The following ATF7IP2 variants were observed in gnomAD, a reference collection of about 807,000 sequenced individuals.
The protein encoded by ATF7IP2 is activating transcription factor 7-interacting protein 2.
A neutral mutation model predicts 64.2 loss-of-function variants in ATF7IP2; 42 were observed. That is an observed-to-expected ratio of 0.65 (90% CI 0.51 to 0.85). The LOEUF is 0.85. ATF7IP2 is among the 40% of genes least tolerant of loss of function. The pLI, the probability that ATF7IP2 is intolerant of heterozygous loss-of-function variation, is 0.00. For missense variants in ATF7IP2, 933 were observed against 784.2 expected, an observed-to-expected ratio of 1.19 and a Z score of -2.27; for synonymous variants, 308 against 272.8, an observed-to-expected ratio of 1.13 and a Z score of -1.27.
intron 12 of ATF7IP2, among the ~76,000 whole-genome samples, chr16:10,475,586 G>A (rs564938525): frequency 5.3e-5 from 8 of 151,278 alleles, no homozygotes; most frequent in African/African-American, 1.2e-4. Context: ...CCAGCTACTC[G>A]GGAGGCTGAG....
intron 12 of ATF7IP2, among the ~76,000 whole-genome samples, chr16:10,478,574 C>T (rs2050095222): frequency 6.6e-6 from 1 of 152,116 alleles, no homozygotes; most frequent in Non-Finnish European, 1.5e-5. Flanking sequence ...TAGGCATGAC[C>T]ATTCAGGACA....
chr16:10,390,942 T>C (rs1383481284), intron 1 of ATF7IP2, among the ~76,000 whole-genome samples: 1 of 152,100 alleles, frequency 6.6e-6, no homozygotes, highest in Non-Finnish European at 1.5e-5. Flanking sequence ...ACTGGAGGAT[T>C]ACTTAAGCCT....
chr16:10,393,655 A>T (rs1053229728), intron 1 of ATF7IP2, among the ~76,000 whole-genome samples: 3 of 152,178 alleles, frequency 2.0e-5, no homozygotes, highest in Non-Finnish European at 4.4e-5. Context: ...GGTTAGTTGT[A>T]CCTGTATTAA....
chr16:10,421,153 C>T (rs1044662425), intron 3 of ATF7IP2, among the ~76,000 whole-genome samples: 4 of 152,068 alleles, frequency 2.6e-5, no homozygotes, highest in African/African-American at 4.8e-5. Context: ...AATCTGAGTT[C>T]TCTGATTTCC....
chr16:10,480,493 C>T (rs907324480), intron 12 of ATF7IP2, among the ~76,000 whole-genome samples: 4 of 151,914 alleles, frequency 2.6e-5, no homozygotes, highest in African/African-American at 7.3e-5. Context: ...TAACCCCAAC[C>T]CACATGATTT....
intron 1 of ATF7IP2, among the ~76,000 whole-genome samples, chr16:10,388,078 A>T (rs966254401): frequency 1.2e-4 from 18 of 151,876 alleles, no homozygotes; most frequent in Non-Finnish European, 2.9e-5. Flanking sequence ...TTTAGTAGAG[A>T]TGGGGTTTCA....
intron 6 of ATF7IP2, among the ~76,000 whole-genome samples, chr16:10,437,721 A>G (rs745577120): frequency 8.5e-5 from 13 of 152,228 alleles, no homozygotes; most frequent in Non-Finnish European, 1.6e-4. Flanking sequence ...GCTGGTTTTC[A>G]GATAAGTAGA....
chr16:10,434,310 C>T (rs914869263), intron 6 of ATF7IP2, among the ~76,000 whole-genome samples: 12 of 152,098 alleles, frequency 7.9e-5, no homozygotes, highest in African/African-American at 2.2e-4. Context: ...ATACTGAGGA[C>T]GGGTTTTGAT....
intron 7 of ATF7IP2, 41 bp downstream of exon 7, chr16:10,438,276 G>T (rs763199322): frequency 1.6e-4 from 246 of 1,569,016 alleles, no homozygotes; most frequent in Non-Finnish European, 1.9e-4. Flanking sequence ...AGGGGAGTAG[G>T]GGGTGTTGTT....
rs191471943 is a variant in ATF7IP2 at position 10,473,643 on chromosome 16, C to A, written c.1482+109C>A. The A allele has an allele frequency of 1.4e-4, 108 of 797,366 alleles. No homozygotes were observed. In the African/African-American group the frequency reaches 1.6e-3, roughly 12 times the overall value. The allele number at this position is 797,366 out of a possible 1,614,324, so 49.4% of individuals were successfully genotyped here. A position where few individuals can be genotyped will look rare whatever the true frequency, so the allele number is the denominator to read the frequency against. ...ATTTAGTTTTAGTCCACGTTACACACTGAAAAGCAGACAGCTAATGATAAG... is the reference window on the plus strand; with the variant it reads ...ATTTAGTTTTAGTCCACGTTACACAATGAAAAGCAGACAGCTAATGATAAG... On this transcript the variant is annotated intron_variant, in intron 11 of 13. Coordinates refer to ENST00000562102, the MANE Select transcript of ATF7IP2 (RefSeq NM_001393719.1).
chr16:10,476,706 T>C (rs758627541), intron 12 of ATF7IP2, among the ~76,000 whole-genome samples: 3 of 152,192 alleles, frequency 2.0e-5, no homozygotes, highest in Non-Finnish European at 2.9e-5. Flanking sequence ...CCTCCCTATG[T>C]CCATGTGTTC....
chr16:10,436,024 T>C (rs1012268931), intron 6 of ATF7IP2, among the ~76,000 whole-genome samples: 2 of 152,144 alleles, frequency 1.3e-5, no homozygotes, highest in Non-Finnish European at 2.9e-5. Context: ...CATGTGATGA[T>C]CCATAGAAAC....
chr16:10,456,644 T>C (rs933966595), intron 8 of ATF7IP2, among the ~76,000 whole-genome samples: 1 of 152,116 alleles, frequency 6.6e-6, no homozygotes, highest in African/African-American at 2.4e-5. Flanking sequence ...GGGTGGGAAA[T>C]TCAGGAAAAG....
chr16:10,440,550 G>A, intron 8 of ATF7IP2, 88 bp downstream of exon 8: 2 of 772,430 alleles, frequency 2.6e-6, no homozygotes, highest in Non-Finnish European at 4.1e-6. Context: ...TCCAGGCTAG[G>A]ACAGAAGGTG....
intron 8 of ATF7IP2, among the ~76,000 whole-genome samples, chr16:10,455,134 C>T (rs1297287883): frequency 6.6e-6 from 1 of 152,296 alleles, no homozygotes; most frequent in Non-Finnish European, 1.5e-5. Context: ...GCAAGATGTC[C>T]ATGACCTAAT....
chr16:10,444,848 C>A (rs2048749237), intron 8 of ATF7IP2, among the ~76,000 whole-genome samples: 1 of 152,088 alleles, frequency 6.6e-6, no homozygotes, highest in South Asian at 2.1e-4. Context: ...TTATTTCAAA[C>A]CTGGGTACAA....
intron 4 of ATF7IP2, among the ~76,000 whole-genome samples, chr16:10,429,420 G>A (rs1296501067): frequency 2.6e-5 from 4 of 152,168 alleles, no homozygotes; most frequent in Non-Finnish European, 5.9e-5. Flanking sequence ...GCACGATCTC[G>A]GCTCACTGCA....
intron 1 of ATF7IP2, among the ~76,000 whole-genome samples, chr16:10,409,836 C>A (rs560365685): frequency 9.9e-5 from 15 of 152,218 alleles, no homozygotes; most frequent in African/African-American, 3.6e-4. Flanking sequence ...GAATAGAGTG[C>A]CCTTTCCCCA....
At position 10,395,423 on chromosome 16, in the gene ATF7IP2, A is replaced by G. The variant is rs187452563; in HGVS notation, c.-242+9301A>G. Among the ~76,000 whole-genome samples the G allele has an allele frequency of 2.1e-3, 326 of 152,282 alleles. 3 individuals carry two copies. Among genetic ancestry groups the G allele is most frequent in the African/African-American group, 7.5e-3 (310 of 41,582 alleles). On this transcript the variant is annotated intron_variant, in intron 1 of 13. Coordinates refer to ENST00000562102, the MANE Select transcript of ATF7IP2 (RefSeq NM_001393719.1). ...TTCAAGAAATAGAAGAGGACAGAACATTTCTGAAATAATTCTGTAAGGCTA... is the reference window on the plus strand; with the variant it reads ...TTCAAGAAATAGAAGAGGACAGAACGTTTCTGAAATAATTCTGTAAGGCTA...
Sources: gnomAD v4.1 joint callset for allele counts (sites outside exome capture counted in the v4.1 genomes callset) on GRCh38, gnomAD v4.1.1 for gene constraint, MANE v1.5 for transcripts, NCBI Gene and HGNC (gene_info 2026-07-23, HGNC 2026-07-21) for gene names.